Variants in PPM1E observed in about 807,000 individuals in gnomAD.
PPM1E encodes protein phosphatase, Mg2+/Mn2+ dependent 1E.
PPM1E carries 20 observed loss-of-function variants against 65.9 expected under a neutral mutation model. The ratio of observed to expected loss-of-function variants is 0.30; its 90% confidence interval spans 0.21 to 0.44. The LOEUF is 0.44. Ranked by LOEUF, PPM1E falls within the 20% of genes least tolerant of loss-of-function variation. The probability of loss-of-function intolerance (pLI) is 1.00; values close to 1 mark genes in which losing one functional copy is unlikely to be tolerated. For missense variants in PPM1E, 713 were observed against 953.1 expected (o/e 0.75, Z 3.32); for synonymous variants, 352 against 374.9 (o/e 0.94, Z 0.70).
intron 1 of PPM1E, among the ~76,000 whole-genome samples, chr17:58,841,200 A>G (rs921887773): frequency 1.3e-5 from 2 of 152,214 alleles, no homozygotes; most frequent in African/African-American, 4.8e-5. Context: ...TTCCATATGG[A>G]ATAATGCTAA....
chr17:58,870,131 G>A (rs936298702), intron 1 of PPM1E, among the ~76,000 whole-genome samples: 4 of 152,200 alleles, frequency 2.6e-5, no homozygotes, highest in Non-Finnish European at 5.9e-5. Flanking sequence ...GGAGGAGGAG[G>A]AAGGGAAGGT....
intron 1 of PPM1E, among the ~76,000 whole-genome samples, chr17:58,954,879 C>CAAA (rs10715470): frequency 4.9e-5 from 5 of 101,018 alleles, no homozygotes; most frequent in Non-Finnish European, 9.8e-5. Context: ...GAGTCTCTCT[C>CAAA]AAAAAAAAAA....
intron 1 of PPM1E, among the ~76,000 whole-genome samples, chr17:58,822,326 TTTTATTTATTTATTTATTTATTTA>T (rs143533991): frequency 4.9e-5 from 7 of 142,004 alleles, no homozygotes; most frequent in East Asian, 4.1e-4. Context: ...CTGAATTTAT[TTTTATTTATTTATTTATTTATTTA>T]TTTATTTATT....
intron 4 of PPM1E, among the ~76,000 whole-genome samples, chr17:58,970,473 T>C (rs2030530054): frequency 6.6e-6 from 1 of 152,142 alleles, no homozygotes; most frequent in East Asian, 1.9e-4. Context: ...CAGAAGTAGA[T>C]ACAGACAAAA....
At chr17:58,784,565 G>A (rs573761521) in intron 1 of PPM1E, among the ~76,000 whole-genome samples, 295 of 140,786 alleles carry the variant, frequency 2.1e-3, no homozygotes, top group African/African-American at 7.2e-3. Flanking sequence ...TCACTCTGTC[G>A]CCAGGCTGGA....
At chr17:58,816,471 C>A (rs1364272436) in intron 1 of PPM1E, among the ~76,000 whole-genome samples, 2 of 151,176 alleles carry the variant, frequency 1.3e-5, no homozygotes, top group Admixed American at 1.3e-4. Flanking sequence ...GTTGTGTAAT[C>A]ATCACCACCA....
chr17:58,863,377 G>A (rs2050963084), intron 1 of PPM1E, among the ~76,000 whole-genome samples: 1 of 152,198 alleles, frequency 6.6e-6, no homozygotes, highest in Non-Finnish European at 1.5e-5. Context: ...ACAAATGCTG[G>A]AACGAGCCGG....
At chr17:58,896,810 TG>T (rs1199925772) in intron 1 of PPM1E, among the ~76,000 whole-genome samples, 4 of 152,198 alleles carry the variant, frequency 2.6e-5, no homozygotes, top group Non-Finnish European at 4.4e-5. Flanking sequence ...AGCCTTCTAT[TG>T]AAAGAAGATG....
intron 1 of PPM1E, among the ~76,000 whole-genome samples, chr17:58,800,967 C>G (rs1245788365): frequency 6.6e-6 from 1 of 151,992 alleles, no homozygotes; most frequent in East Asian, 1.9e-4. Context: ...CTTTTATTTA[C>G]TCTGGGTTTA....
In PPM1E at chr17:58,800,400, T is replaced by A. The variant is rs2050247674; in HGVS notation, c.464+43939T>A. Reference sequence around the variant, plus strand: ...TATTTTTCTTTCCTTCTCTCTTCCTTTTTTTCTTTTTGTAATTTCTCCAGC... The same window carrying A: ...TATTTTTCTTTCCTTCTCTCTTCCTATTTTTCTTTTTGTAATTTCTCCAGC... On this transcript the variant is annotated intron_variant, in intron 1 of 6. Coordinates refer to ENST00000308249, the MANE Select transcript of PPM1E (RefSeq NM_014906.5). 2.0e-5 allele frequency among the ~76,000 whole-genome samples: 3 copies of A among 152,256 alleles called. No homozygotes were observed. The South Asian group carries it at 6.2e-4, about 32-fold the overall frequency.
rs892635358 is a variant in PPM1E at position 58,967,504 on chromosome 17, G to GTATA, written c.783+1624_783+1627dup. On this transcript the variant is annotated intron_variant, in intron 3 of 6. Coordinates refer to ENST00000308249, the MANE Select transcript of PPM1E (RefSeq NM_014906.5). The stretch of plus-strand genomic sequence containing the variant: ...ATCCTAATTTCATTTATATATATGT[G>GTATA]TATATATATATATATAGAGAGAGAG... Among the ~76,000 whole-genome samples, 651 of 148,542 alleles carry GTATA rather than the reference G, an allele frequency of 4.4e-3. 6 individuals are homozygous for GTATA. The highest frequency in any genetic ancestry group is 0.015 in the African/African-American group (600 of 40,596).
intron 1 of PPM1E, among the ~76,000 whole-genome samples, chr17:58,770,087 C>T (rs1025749803): frequency 3.3e-5 from 5 of 151,984 alleles, no homozygotes; most frequent in African/African-American, 4.8e-5. Context: ...AACATTATCA[C>T]TTGTATTCTA....
chr17:58,782,405 G>GTT (rs5821246), intron 1 of PPM1E, among the ~76,000 whole-genome samples: 58 of 138,682 alleles, frequency 4.2e-4, no homozygotes, highest in East Asian at 1.4e-3. Flanking sequence ...TCAGGTTTTT[G>GTT]TTTTTTTTTT....
intron 1 of PPM1E, among the ~76,000 whole-genome samples, chr17:58,925,388 T>C (rs1397089005): frequency 6.6e-6 from 1 of 152,050 alleles, no homozygotes; most frequent in Non-Finnish European, 1.5e-5. Flanking sequence ...CTTTGAGAAG[T>C]GTTTGTTCAT....
chr17:58,773,607 C>A (rs2049962465), intron 1 of PPM1E, among the ~76,000 whole-genome samples: 1 of 152,052 alleles, frequency 6.6e-6, no homozygotes, highest in South Asian at 2.1e-4. Flanking sequence ...TTAAATTGTA[C>A]CTTCCTTGAA....
intron 2 of PPM1E, 56 bp downstream of exon 2, chr17:58,955,823 G>T (rs1490348764): frequency 1.3e-6 from 2 of 1,493,378 alleles, no homozygotes; most frequent in Non-Finnish European, 1.8e-6. Flanking sequence ...TATATGTAGT[G>T]GTCCACAGAA....
chr17:58,869,457 T>A (rs1482306214), intron 1 of PPM1E, among the ~76,000 whole-genome samples: 1 of 152,150 alleles, frequency 6.6e-6, no homozygotes, highest in Non-Finnish European at 1.5e-5. Flanking sequence ...TTGGTTCCCA[T>A]GAGAGCTGAT....
intron 2 of PPM1E, among the ~76,000 whole-genome samples, chr17:58,960,191 A>G (rs1366812263): frequency 6.6e-6 from 1 of 152,162 alleles, no homozygotes; most frequent in Non-Finnish European, 1.5e-5. Flanking sequence ...TTTTGTTTTC[A>G]GGCTCCATGA....
intron 1 of PPM1E, among the ~76,000 whole-genome samples, chr17:58,904,630 T>G (rs1462851368): frequency 6.6e-6 from 1 of 152,182 alleles, no homozygotes; most frequent in African/African-American, 2.4e-5. Context: ...AGTCTCCCAA[T>G]CCATGAATAT....
Sources: gnomAD v4.1 joint callset for allele counts (sites outside exome capture counted in the v4.1 genomes callset) on GRCh38, gnomAD v4.1.1 for gene constraint, MANE v1.5 for transcripts, NCBI Gene and HGNC (gene_info 2026-07-23, HGNC 2026-07-21) for gene names.